The following TBC1D5 variants were observed in gnomAD, a reference collection of about 807,000 sequenced individuals.
TBC1D5 encodes the protein TBC1 domain family member 5, also known as TBC1 domain family, member 5.
TBC1D5 carries 75 observed loss-of-function variants against 100.3 expected under a neutral mutation model. The observed-to-expected ratio is 0.75, with a 90% CI of 0.62 to 0.91. TBC1D5 has a LOEUF of 0.91. Among genes scored for constraint, TBC1D5 ranks in the 40% least tolerant of loss-of-function variants. The pLI is 0.00. For synonymous variants in TBC1D5, 323 were observed against 325.6 expected (o/e 0.99, Z 0.09); for missense variants, 910 against 942.4 (o/e 0.97, Z 0.45).
At chr3:17,299,074 T>C (rs890625096) in intron 14 of TBC1D5, among the ~76,000 whole-genome samples, 3 of 152,198 alleles carry the variant, frequency 2.0e-5, no homozygotes, top group East Asian at 3.8e-4. Flanking sequence ...AGAACAATCA[T>C]AAAAATATGC....
intron 21 of TBC1D5, 51 bp from the exon 23 acceptor site, chr3:17,161,307 G>GA: frequency 1.3e-6 from 2 of 1,547,638 alleles, no homozygotes; most frequent in Non-Finnish European, 1.7e-6. Flanking sequence ...AACTGGCAAA[G>GA]AACTGAGTGG....
chr3:17,629,243 A>G lies in TBC1D5; in HGVS notation c.-100-5330T>C, dbSNP rs566017565. On this transcript the variant is annotated intron_variant, in intron 1 of 21. Coordinates refer to ENST00000253692, the Ensembl canonical transcript of TBC1D5. The stretch of plus-strand genomic sequence containing the variant: ...ATTCCAGACTACAAATTTAAGTTGA[A>G]GAGTAGACATAAATGGTAATTTAGC... Among the ~76,000 whole-genome samples the G allele has an allele frequency of 7.3e-4, 111 of 152,326 alleles. 1 individual carries two copies. Among genetic ancestry groups the G allele is most frequent in the African/African-American group, 2.6e-3 (107 of 41,582 alleles).
intron 3 of TBC1D5, among the ~76,000 whole-genome samples, chr3:17,476,214 AT>A (rs1404278268): frequency 6.6e-6 from 1 of 151,648 alleles, no homozygotes; most frequent in African/African-American, 2.4e-5. Context: ...CTATATATAT[AT>A]TTTTTCCTTT....
chr3:17,651,069 AT>A (rs562804707), intron 1 of TBC1D5, among the ~76,000 whole-genome samples: 1 of 152,022 alleles, frequency 6.6e-6, no homozygotes, highest in African/African-American at 2.4e-5. Flanking sequence ...AAAAATCAAG[AT>A]TTTTTTTCCT....
chr3:17,241,430 T>A (rs2076297796), intron 16 of TBC1D5, among the ~76,000 whole-genome samples: 1 of 152,102 alleles, frequency 6.6e-6, no homozygotes, highest in South Asian at 2.1e-4. Flanking sequence ...GAATTTGGAG[T>A]TAACAAGACA....
At chr3:17,537,222 C>T (rs1398273406) in intron 2 of TBC1D5, among the ~76,000 whole-genome samples, 1 of 152,128 alleles carries the variant, frequency 6.6e-6, no homozygotes, top group Non-Finnish European at 1.5e-5. Context: ...GGAAAGTAAG[C>T]CACATTACAC....
At chr3:17,691,423 T>A (rs17273076) in intron 1 of TBC1D5, among the ~76,000 whole-genome samples, 1 of 152,300 alleles carries the variant, frequency 6.6e-6, no homozygotes, top group South Asian at 2.1e-4. Context: ...ACTTGTATGA[T>A]CCAATAAATT....
chr3:17,702,359 T>C lies in TBC1D5; in HGVS notation c.-101+36984A>G, dbSNP rs542817490. 8.4e-3 allele frequency: 26 copies of C among 3,110 alleles called. No homozygotes were observed. In the East Asian group the frequency reaches 0.17, roughly 20 times the overall value. The allele number at this position is 3,110 out of a possible 1,614,324, so 0.2% of individuals were successfully genotyped here. A position where few individuals can be genotyped will look rare whatever the true frequency, so the allele number is the denominator to read the frequency against. On this transcript the variant is annotated intron_variant, in intron 1 of 21. Transcript: ENST00000253692. ...AAAACAGAATCATAACTAATAGTTA[T>C]ATAAATGGTGTTTTTTCAAATATTT...
intron 1 of TBC1D5, among the ~76,000 whole-genome samples, chr3:17,670,516 T>C (rs1189316290): frequency 6.6e-6 from 1 of 152,098 alleles, no homozygotes; most frequent in Non-Finnish European, 1.5e-5. Context: ...TCACTACCTT[T>C]TAGGATAGTA....
At chr3:17,482,437 A>G (rs1045355871) in intron 3 of TBC1D5, among the ~76,000 whole-genome samples, 5 of 152,328 alleles carry the variant, frequency 3.3e-5, no homozygotes, top group African/African-American at 9.6e-5. Flanking sequence ...AACAAAACAA[A>G]TGTTGGCTCA....
intron 9 of TBC1D5, among the ~76,000 whole-genome samples, chr3:17,383,022 A>T (rs1003881375): frequency 6.6e-6 from 1 of 152,126 alleles, no homozygotes; most frequent in Admixed American, 6.6e-5. Flanking sequence ...ACTATTAAAA[A>T]TAAGATAAAA....
chr3:17,365,171 T>A (rs1456583214), intron 13 of TBC1D5, among the ~76,000 whole-genome samples: 1 of 152,216 alleles, frequency 6.6e-6, no homozygotes, highest in Non-Finnish European at 1.5e-5. Context: ...CTTAATCATA[T>A]CTTACTGGTT....
At chr3:17,324,753 A>G (rs1430026205) in intron 13 of TBC1D5, among the ~76,000 whole-genome samples, 1 of 152,236 alleles carries the variant, frequency 6.6e-6, no homozygotes, top group East Asian at 1.9e-4. Flanking sequence ...TAATAACTTG[A>G]TCATAATAAT....
chr3:17,477,089 G>T (rs1306646104), intron 3 of TBC1D5, among the ~76,000 whole-genome samples: 1 of 151,776 alleles, frequency 6.6e-6, no homozygotes, highest in Non-Finnish European at 1.5e-5. Context: ...TCAATCCACA[G>T]TTTGTTAACA....
intron 3 of TBC1D5, among the ~76,000 whole-genome samples, chr3:17,440,090 C>T (rs2094619116): frequency 6.6e-6 from 1 of 152,172 alleles, no homozygotes; most frequent in Non-Finnish European, 1.5e-5. Context: ...AAAACCCATC[C>T]CTGACATACT....
chr3:17,715,027 C>G (rs1475404820), intron 1 of TBC1D5, among the ~76,000 whole-genome samples: 1 of 152,212 alleles, frequency 6.6e-6, no homozygotes, highest in East Asian at 1.9e-4. Context: ...AACAATAACA[C>G]TTACCTCTTA....
intron 1 of TBC1D5, among the ~76,000 whole-genome samples, chr3:17,710,658 G>A (rs1214646641): frequency 2.0e-5 from 3 of 151,750 alleles, no homozygotes; most frequent in African/African-American, 7.2e-5. Flanking sequence ...GAAAAGACAG[G>A]GTGAAGATTG....
intron 3 of TBC1D5, among the ~76,000 whole-genome samples, chr3:17,500,389 T>C (rs2095770751): frequency 6.7e-6 from 1 of 149,446 alleles, no homozygotes; most frequent in Non-Finnish European, 1.5e-5. Context: ...ATCACCTAAA[T>C]CTAACATTAA....
intron 18 of TBC1D5, among the ~76,000 whole-genome samples, chr3:17,197,423 C>G (rs1275233017): frequency 6.6e-6 from 1 of 152,106 alleles, no homozygotes; most frequent in Non-Finnish European, 1.5e-5. Flanking sequence ...GTTACCCAGG[C>G]TGGAGTACAG....
Sources: allele counts gnomAD v4.1 joint callset (sites outside exome capture counted in the v4.1 genomes callset), GRCh38; gene constraint gnomAD v4.1.1; transcripts MANE v1.5; gene names NCBI Gene and HGNC (gene_info 2026-07-23, HGNC 2026-07-21).